The following MARCHF4 variants were observed in gnomAD, a reference collection of about 807,000 sequenced individuals.
MARCHF4 encodes E3 ubiquitin-protein ligase MARCHF4.
Under a neutral mutation model 43.9 loss-of-function variants are expected in MARCHF4, and 14 were observed. The observed-to-expected ratio is 0.32, with a 90% CI of 0.21 to 0.50. The LOEUF (loss-of-function observed/expected upper bound fraction) is 0.50, where lower values mean the gene tolerates loss of function less well. MARCHF4 is among the 20% of genes least tolerant of loss of function. MARCHF4 has a pLI of 0.98. For missense variants in MARCHF4, 468 were observed against 536.7 expected (o/e 0.87, Z 1.27); for synonymous variants, 226 against 213.3 (o/e 1.06, Z -0.52).
In MARCHF4 at chr2:216,354,891, T is replaced by TTTTCTTTCTTTCTTTCTTTCTTCC; in HGVS notation, c.516+14853_516+14854insGGAAGAAAGAAAGAAAGAAAGAAA. ...GTTCATGAAACTTATTTAATAATTGTTTTCTTTCTTTCTTTCTTTCTTTCT... is the reference window on the plus strand; with the variant it reads ...GTTCATGAAACTTATTTAATAATTGTTTTCTTTCTTTCTTTCTTTCTTCCTTTCTTTCTTTCTTTCTTTCTTTCT... On this transcript the variant is annotated intron_variant, in intron 1 of 3. Transcript: ENST00000273067. 3.5e-5 allele frequency among the ~76,000 whole-genome samples: 3 copies of TTTTCTTTCTTTCTTTCTTTCTTCC among 86,790 alleles called. 1 individual carries two copies. The highest frequency in any genetic ancestry group is 0.012 in the Middle Eastern group (2 of 172). The allele number at this position is 86,790 out of a possible 152,430, so 56.9% of individuals were successfully genotyped here.
At position 216,259,206 on chromosome 2, in the gene MARCHF4, C is replaced by G. The variant is rs1158226084; in HGVS notation, c.*106G>C. On this transcript the variant is annotated 3_prime_UTR_variant, in exon 4 of 4. Transcript: ENST00000273067. ...ACCCCAGGGCTCCCGCCAGGTCCCC[C>G]ACCCTCTGCCTGCTCCCTCTGTTGG... The G allele has an allele frequency of 2.7e-6, 4 of 1,475,244 alleles. No homozygotes were observed. The highest frequency in any genetic ancestry group is 2.7e-6 in the Non-Finnish European group (3 of 1,115,952). 91.4% of individuals were successfully genotyped at this position (1,475,244 alleles called of 1,614,324 possible). A position where few individuals can be genotyped will look rare whatever the true frequency, so the allele number is the denominator to read the frequency against.
chr2:216,269,653 T>G (rs1690902127), intron 3 of MARCHF4, among the ~76,000 whole-genome samples: 1 of 152,114 alleles, frequency 6.6e-6, no homozygotes, highest in African/African-American at 2.4e-5. Context: ...TGGTCCCTGA[T>G]GATTACAAGG....
intron 1 of MARCHF4, among the ~76,000 whole-genome samples, chr2:216,359,923 C>T (rs1692551403): frequency 6.6e-6 from 1 of 152,160 alleles, no homozygotes; most frequent in Admixed American, 6.5e-5. Flanking sequence ...ATCATACCCT[C>T]CCAATTAACT....
At position 216,370,222 on chromosome 2, in the gene MARCHF4, C is replaced by A. The variant is rs145386484; in HGVS notation, c.39G>T (p.Trp13Cys). 1.9e-6 allele frequency: 3 copies of A among 1,606,738 alleles called. No homozygotes were observed. In the African/African-American group the frequency reaches 4.0e-5, roughly 21 times the overall value. ...MPLCGLLWWW[W>C]CCCSGWYCYG... ...AGCAGTACCAGCCGGAGCAGCAGCA[C>A]CACCACCACCAGAGCAGCCCACACA... Residue 13 changes from tryptophan to cysteine, a missense_variant, in exon 1 of 4, where the codon TGG becomes TGT. By Grantham distance (215) the Trp-to-Cys change is radical (BLOSUM62 -2). Coordinates refer to ENST00000273067, the MANE Select transcript of MARCHF4 (RefSeq NM_020814.3).
chr2:216,272,003 A>G (rs1048222943), intron 3 of MARCHF4, among the ~76,000 whole-genome samples: 6 of 142,936 alleles, frequency 4.2e-5, no homozygotes, highest in African/African-American at 1.6e-4. Flanking sequence ...GGTAGGCCAG[A>G]CATGGTGGCT....
chr2:216,355,130 C>A (rs1276128294), intron 1 of MARCHF4, among the ~76,000 whole-genome samples: 1 of 151,966 alleles, frequency 6.6e-6, no homozygotes, highest in Non-Finnish European at 1.5e-5. Flanking sequence ...TGCCACCACA[C>A]CTGGCTCATT....
At chr2:216,365,108 A>C (rs1443451846) in intron 1 of MARCHF4, among the ~76,000 whole-genome samples, 1 of 152,226 alleles carries the variant, frequency 6.6e-6, no homozygotes, top group Non-Finnish European at 1.5e-5. Context: ...ACGAGTAAGT[A>C]CACCATTTAA....
intron 3 of MARCHF4, among the ~76,000 whole-genome samples, chr2:216,271,035 G>A (rs1690926468): frequency 6.6e-6 from 1 of 152,106 alleles, no homozygotes; most frequent in African/African-American, 2.4e-5. Flanking sequence ...TTCCCCATTT[G>A]AACTAGAGTT....
chr2:216,277,867 G>A lies in MARCHF4; in HGVS notation c.673-3C>T, dbSNP rs1691053298. On this transcript the variant is annotated splice_region_variant and splice_polypyrimidine_tract_variant and intron_variant, in intron 2 of 3. Coordinates refer to ENST00000273067, the MANE Select transcript of MARCHF4 (RefSeq NM_020814.3). Reference sequence around the variant, plus strand: ...ACCGTCAGAGAGATGGCCTGCCACTGCAGGGGAGAGAGTGGCCAGTTAGCA... The same window carrying A: ...ACCGTCAGAGAGATGGCCTGCCACTACAGGGGAGAGAGTGGCCAGTTAGCA... The A allele has an allele frequency of 1.2e-6, 2 of 1,604,328 alleles. No homozygotes were observed. Among genetic ancestry groups the A allele is most frequent in the Non-Finnish European group, 1.7e-6 (2 of 1,172,228 alleles).
At chr2:216,351,265 C>G (rs1273609835) in intron 1 of MARCHF4, 1 of 152,540 alleles carries the variant, frequency 6.6e-6, no homozygotes, top group Non-Finnish European at 1.5e-5. Context: ...AAAAGAACAT[C>G]TTGGATATTT....
chr2:216,264,001 AG>A (rs907460803), intron 3 of MARCHF4, among the ~76,000 whole-genome samples: 1 of 113,260 alleles, frequency 8.8e-6, no homozygotes, highest in Non-Finnish European at 2.0e-5. Context: ...CTGAGGATCC[AG>A]GGGAGCAGCC....
chr2:216,296,696 TA>T (rs1691401151), intron 1 of MARCHF4, among the ~76,000 whole-genome samples: 1 of 152,368 alleles, frequency 6.6e-6, no homozygotes, highest in Non-Finnish European at 1.5e-5. Context: ...CTGCCCACTT[TA>T]TAAAGACATT....
chr2:216,284,097 C>T (rs1336015861), intron 1 of MARCHF4, among the ~76,000 whole-genome samples: 1 of 152,162 alleles, frequency 6.6e-6, no homozygotes, highest in African/African-American at 2.4e-5. Flanking sequence ...GTTGCAAACT[C>T]AAATGCCCTC....
intron 1 of MARCHF4, among the ~76,000 whole-genome samples, chr2:216,355,974 G>A (rs370091970): frequency 3.9e-5 from 6 of 152,146 alleles, no homozygotes; most frequent in Admixed American, 2.6e-4. Context: ...TTCACCTGCC[G>A]CTGGCTGGTT....
chr2:216,286,486 A>G (rs1032486203), intron 1 of MARCHF4, among the ~76,000 whole-genome samples: 1 of 151,378 alleles, frequency 6.6e-6, no homozygotes, highest in African/African-American at 2.4e-5. Flanking sequence ...CAGAGGTTGC[A>G]GTGCCAGCCT....
chr2:216,263,640 A>C (rs769075007), intron 3 of MARCHF4, among the ~76,000 whole-genome samples: 12 of 152,160 alleles, frequency 7.9e-5, no homozygotes, highest in Admixed American at 7.9e-4. Context: ...AAGGAAGAGA[A>C]GTAGTTGCGA....
chr2:216,330,068 G>A (rs12622658), intron 1 of MARCHF4, among the ~76,000 whole-genome samples: 53,072 of 151,290 alleles, frequency 0.35, 9,626 homozygotes, highest in East Asian at 0.54. Context: ...ACTCTAGCCT[G>A]GGCAACAGAA....
chr2:216,340,668 G>A (rs901748726), intron 1 of MARCHF4, among the ~76,000 whole-genome samples: 2 of 152,224 alleles, frequency 1.3e-5, no homozygotes, highest in Admixed American at 6.5e-5. Flanking sequence ...TGGACAAAAA[G>A]GGAAAGGAAG....
At position 216,336,742 on chromosome 2, in the gene MARCHF4, T is replaced by TAAAAAAAAAAAAAAAAA. The variant is rs58031229; in HGVS notation, c.516+32986_516+33002dup. Among the ~76,000 whole-genome samples, 4 of 55,670 alleles carry TAAAAAAAAAAAAAAAAA rather than the reference T, an allele frequency of 7.2e-5. 1 individual carries two copies. Among genetic ancestry groups the TAAAAAAAAAAAAAAAAA allele is most frequent in the East Asian group, 2.6e-3 (2 of 758 alleles). 36.5% of individuals were successfully genotyped at this position (55,670 alleles called of 152,430 possible). A position where few individuals can be genotyped will look rare whatever the true frequency, so the allele number is the denominator to read the frequency against. On this transcript the variant is annotated intron_variant, in intron 1 of 3. Transcript: ENST00000273067. Reference sequence around the variant, plus strand: ...GGCAAATGGGAAAGGCAAATAGATTTAAAAAAAAAAAAAAAAAAAAAAAAA... The same window carrying TAAAAAAAAAAAAAAAAA: ...GGCAAATGGGAAAGGCAAATAGATTTAAAAAAAAAAAAAAAAAAAAAAAAAAAAAAAAAAAAAAAAAA...
Sources: gnomAD v4.1 joint callset for allele counts (sites outside exome capture counted in the v4.1 genomes callset) on GRCh38, gnomAD v4.1.1 for gene constraint, MANE v1.5 for transcripts, NCBI Gene and HGNC (gene_info 2026-07-23, HGNC 2026-07-21) for gene names.